Variants in FAM131B observed in about 807,000 individuals in gnomAD.
The protein encoded by FAM131B is protein FAM131B.
FAM131B carries 19 observed loss-of-function variants against 42.0 expected under a neutral mutation model. The observed-to-expected ratio is 0.45, with a 90% confidence interval of 0.32 to 0.66. The LOEUF (loss-of-function observed/expected upper bound fraction) is 0.66, where lower values mean the gene tolerates loss of function less well. Among genes scored for constraint, FAM131B ranks in the 30% least tolerant of loss-of-function variants. The pLI, the probability that FAM131B is intolerant of heterozygous loss-of-function variation, is 0.05. For missense variants in FAM131B, 370 were observed against 468.4 expected (o/e 0.79, Z 1.94); for synonymous variants, 183 against 177.6 (o/e 1.03, Z -0.24).
upstream of FAM131B, among the ~76,000 whole-genome samples, chr7:143,366,559 CTTT>C (rs34519209): frequency 4.3e-5 from 6 of 138,304 alleles, no homozygotes; most frequent in Admixed American, 7.3e-5. Flanking sequence ...GGTCTGTATT[CTTT>C]TTTTTTTTTT....
the FAM131B span, among the ~76,000 whole-genome samples, chr7:143,371,886 G>GCC: frequency 6.6e-6 from 1 of 152,212 alleles, no homozygotes; most frequent in African/African-American, 2.4e-5. Flanking sequence ...TTGTGGCTGA[G>GCC]GCAAAATGAT....
Position 143,359,772 on chromosome 7 carries a change from G to A in FAM131B, c.139-5C>T. 1 of 1,564,690 alleles carries A rather than the reference G, an allele frequency of 6.4e-7. No homozygotes were observed. Among genetic ancestry groups the A allele is most frequent in the Non-Finnish European group, 8.7e-7 (1 of 1,154,372 alleles). On this transcript the variant is annotated splice_polypyrimidine_tract_variant and splice_region_variant and intron_variant, in intron 2 of 6. Transcript: ENST00000443739. The surrounding 1 kb of genome is among the most constrained non-coding windows in gnomAD (Gnocchi z 5.4). Reference sequence around the variant, plus strand: ...GGAGAAATCAGTTCGAGTTTGCTGTGAGGAGAGAGGAAAGGGAATGGGCAT... The same window carrying A: ...GGAGAAATCAGTTCGAGTTTGCTGTAAGGAGAGAGGAAAGGGAATGGGCAT...
the FAM131B span, among the ~76,000 whole-genome samples, chr7:143,376,906 A>G: frequency 6.6e-6 from 1 of 152,228 alleles, no homozygotes. Context: ...AAAATACAAA[A>G]GTATAAAAGC....
In FAM131B at chr7:143,358,804, T is replaced by A; in HGVS notation, c.466+23A>T. ...CCTGGCCATCCTGCAAATGTGTCTC[T>A]TGAGGCTTTAGGGTACCTGTACCTG... On this transcript the variant is annotated intron_variant, in intron 5 of 6. Coordinates refer to ENST00000443739, the MANE Select transcript of FAM131B (RefSeq NM_001031690.3). The surrounding 1 kb of genome is among the most constrained non-coding windows in gnomAD (Gnocchi z 4.7). The A allele has an allele frequency of 1.2e-6, 2 of 1,609,698 alleles. No individual in the cohort carries two copies. The highest frequency in any genetic ancestry group is 2.2e-5 in the South Asian group (2 of 90,564).
chr7:143,371,446 T>C, the FAM131B span, among the ~76,000 whole-genome samples: 1 of 150,984 alleles, frequency 6.6e-6, no homozygotes, highest in African/African-American at 2.4e-5. Context: ...ACCTTGTCTT[T>C]ACAAAAAGAA....
At chr7:143,381,913 T>G in the FAM131B span, 1 of 911,434 alleles carries the variant, frequency 1.1e-6, no homozygotes, top group South Asian at 1.8e-5. Context: ...GAGCAGATGT[T>G]CTTACCTCAT....
upstream of FAM131B, among the ~76,000 whole-genome samples, chr7:143,364,685 A>C (rs1193613996): frequency 6.6e-6 from 1 of 152,130 alleles, no homozygotes; most frequent in East Asian, 1.9e-4. Context: ...AAAGTAAAAT[A>C]TTCTAGGCAT....
rs1803715765 is a variant in FAM131B at position 143,357,377 on chromosome 7, C to G, written c.513G>C (p.Trp171Cys). The G allele has an allele frequency of 1.2e-6, 2 of 1,613,670 alleles. No individual in the cohort carries two copies. Among genetic ancestry groups the G allele is most frequent in the African/African-American group, 2.7e-5 (2 of 74,910 alleles). Residue 171 changes from tryptophan to cysteine, a missense_variant, in exon 6 of 7, where the codon TGG becomes TGC. Transcript: ENST00000443739. Reference sequence around the variant, plus strand: ...TCATGTCCTCACCATCCATGGAAGACCAGGCCATGAGTGTGGCCTCAGAGA... The same window carrying G: ...TCATGTCCTCACCATCCATGGAAGAGCAGGCCATGAGTGTGGCCTCAGAGA... ...FAISEATLMAWSSMDGEDMSV... is the reference protein window; with the variant it reads ...FAISEATLMACSSMDGEDMSV...
Position 143,362,522 on chromosome 7 carries a change from T to A in FAM131B, c.28+54A>T. 1.4e-6 allele frequency: 1 copy of A among 714,958 alleles called. No individual in the cohort carries two copies. Among genetic ancestry groups the A allele is most frequent in the Non-Finnish European group, 1.8e-6 (1 of 568,310 alleles). The allele number at this position is 714,958 out of a possible 1,614,324, so 44.3% of individuals were successfully genotyped here. On this transcript the variant is annotated intron_variant, in intron 1 of 6. Transcript: ENST00000443739. The surrounding 1 kb of genome is among the most constrained non-coding windows in gnomAD (Gnocchi z 7.7). ...GCGAGGAGAGGGATGGGGGAGGGGGTCGGAGGGCGGCCCGGGGGGCCCAGC... is the reference window on the plus strand; with the variant it reads ...GCGAGGAGAGGGATGGGGGAGGGGGACGGAGGGCGGCCCGGGGGGCCCAGC...
rs199895894 is a variant in FAM131B, at chr7:143,357,284, A to G, written c.606T>C (p.Ser202=). ...YSDNYQELMD[S]QDALAQAPMD... ...GGATTCTGGAACATCTCTCACCCTG[A>G]CTGTCCATCAGTTCCTGGTAGTTGT... The change falls in exon 6 of 7, where the codon AGT becomes AGC. Residue 202 remains serine, a synonymous_variant. Transcript: ENST00000443739. 141 of 1,614,080 alleles carry G rather than the reference A, an allele frequency of 8.7e-5. No individual in the cohort carries two copies. The East Asian group carries it at 3.1e-3, about 36-fold the overall frequency.
At chr7:143,370,908 C>T in the FAM131B span, among the ~76,000 whole-genome samples, 1 of 152,134 alleles carries the variant, frequency 6.6e-6, no homozygotes, top group Non-Finnish European at 1.5e-5. Context: ...CAGTAACACC[C>T]TTAGCCTCCA....
the FAM131B span, among the ~76,000 whole-genome samples, chr7:143,379,265 T>C: frequency 0.015 from 2,332 of 152,292 alleles, 17 homozygotes; most frequent in Middle Eastern, 0.02. Flanking sequence ...ACTTTTGGTC[T>C]GTGAAGCCCA....
chr7:143,366,434 A>T (rs2116501889), upstream of FAM131B, among the ~76,000 whole-genome samples: 1 of 152,276 alleles, frequency 6.6e-6, no homozygotes, highest in Admixed American at 6.5e-5. Flanking sequence ...GGGCACTCCT[A>T]GTGGTTCTCA....
Position 143,359,690 on chromosome 7 carries a change from G to A in FAM131B, c.174+42C>T. 6.5e-7 allele frequency: 1 copy of A among 1,539,328 alleles called. No individual in the cohort carries two copies. Among genetic ancestry groups the A allele is most frequent in the Non-Finnish European group, 8.8e-7 (1 of 1,132,766 alleles). On this transcript the variant is annotated intron_variant, in intron 3 of 6. Transcript: ENST00000443739. The surrounding 1 kb of genome is among the most constrained non-coding windows in gnomAD (Gnocchi z 5.4). ...GTGCAAGGGAGAAGATGAGGAGGAG[G>A]AGTTCGGGAGGATGGGGAGGTCTGG...
At chr7:143,381,408 C>T in the FAM131B span, 1 of 1,225,390 alleles carries the variant, frequency 8.2e-7, no homozygotes. Context: ...CTCCGGCCTG[C>T]GGTGAGGCGC....
chr7:143,359,307 C>G lies in FAM131B; in HGVS notation c.268+19G>C. 6.3e-7 allele frequency: 1 copy of G among 1,583,394 alleles called. No homozygotes were observed. The highest frequency in any genetic ancestry group is 2.2e-5 in the East Asian group (1 of 44,682). ...CAGCATTATTTTGTCTGAAGGCATT[C>G]TTACATCAGGAGTCTCACCTGAGAA... On this transcript the variant is annotated intron_variant, in intron 4 of 6. Coordinates refer to ENST00000443739, the MANE Select transcript of FAM131B (RefSeq NM_001031690.3). This position sits in a 1 kb window ranked among gnomAD's most constrained non-coding sequence, Gnocchi z 5.4.
intron 2 of FAM131B, 21 bp downstream of exon 2, chr7:143,360,019 G>C (rs1157235976): frequency 1.4e-5 from 22 of 1,563,834 alleles, no homozygotes; most frequent in Non-Finnish European, 1.8e-5. Flanking sequence ...AGAGACTTGG[G>C]GTGGCTGAGT....
At chr7:143,381,341 G>A in the FAM131B span, 1 of 1,146,392 alleles carries the variant, frequency 8.7e-7, no homozygotes, top group Non-Finnish European at 1.1e-6. Context: ...CTCCGGACCG[G>A]GACGCAGAGT....
In FAM131B at chr7:143,359,125, C is replaced by T; in HGVS notation, c.269-101G>A. On this transcript the variant is annotated intron_variant, in intron 4 of 6. Transcript: ENST00000443739. This position sits in a 1 kb window ranked among gnomAD's most constrained non-coding sequence, Gnocchi z 5.4. ...ACCCCAGCCCCATGAGGCTCCATCC[C>T]ACTGGGCCAGGCTCCCCTAAGGACT... is the stretch of plus-strand genomic sequence containing the variant. 7.8e-7 allele frequency: 1 copy of T among 1,288,748 alleles called. No individual in the cohort carries two copies. The allele number at this position is 1,288,748 out of a possible 1,614,324, so 79.8% of individuals were successfully genotyped here.
Sources: allele counts gnomAD v4.1 joint callset (sites outside exome capture counted in the v4.1 genomes callset), GRCh38; gene constraint gnomAD v4.1.1; non-coding constraint Gnocchi (gnomAD v3.1); transcripts MANE v1.5; gene names NCBI Gene and HGNC (gene_info 2026-07-23, HGNC 2026-07-21).